PTPRN2: variants seen among roughly 807,000 people sequenced by gnomAD.
The protein encoded by PTPRN2 is receptor-type tyrosine-protein phosphatase N2.
Under a neutral mutation model 118.8 loss-of-function variants are expected in PTPRN2, and 74 were observed. That is an observed-to-expected ratio of 0.62 (90% CI 0.52 to 0.76). The LOEUF (loss-of-function observed/expected upper bound fraction) is 0.76. PTPRN2 is among the 30% of genes least tolerant of loss of function. PTPRN2 has a pLI of 0.00. For missense variants in PTPRN2, 1,481 were observed against 1,394.4 expected (o/e 1.06, Z -0.99); for synonymous variants, 641 against 608.0 (o/e 1.05, Z -0.80).
chr7:157,731,901 C>T (rs1190331637), intron 12 of PTPRN2, among the ~76,000 whole-genome samples: 2 of 58,122 alleles, frequency 3.4e-5, no homozygotes, highest in African/African-American at 8.9e-5. Flanking sequence ...CACAGTTACT[C>T]TTTCCCGTCC....
chr7:157,920,147 G>A lies in PTPRN2; in HGVS notation c.1724-21410C>T, dbSNP rs149518886. Among the ~76,000 whole-genome samples, 63 of 152,236 alleles carry A rather than the reference G, an allele frequency of 4.1e-4. 1 individual carries two copies. The South Asian group carries it at 1.0e-2, about 24-fold the overall frequency. On this transcript the variant is annotated intron_variant, in intron 11 of 22. Coordinates refer to ENST00000389418, the MANE Select transcript of PTPRN2 (RefSeq NM_002847.5). ...GAAGGCAGCCTCGTCATTAAGCAAC[G>A]CATCGCTGTCTAAGAATTTGGAACT...
intron 10 of PTPRN2, among the ~76,000 whole-genome samples, chr7:158,085,293 C>T (rs369669837): frequency 7.3e-5 from 9 of 123,488 alleles, no homozygotes; most frequent in South Asian, 3.0e-4. Context: ...TCCACACCCA[C>T]GACGCCCATC....
intron 12 of PTPRN2, among the ~76,000 whole-genome samples, chr7:157,766,631 T>C (rs147625235): frequency 5.4e-4 from 83 of 152,346 alleles, no homozygotes; most frequent in Non-Finnish European, 8.7e-4. Flanking sequence ...TCCTCACAAA[T>C]GCCTGTGCTG....
Position 157,909,389 on chromosome 7 carries a change from G to A in PTPRN2, c.1724-10652C>T, listed in dbSNP as rs77414591. On this transcript the variant is annotated intron_variant, in intron 11 of 22. Transcript: ENST00000389418. ...GACAGGGGCTGACTCTATACACTGGGGGGGGGAGGATGCTGGCCACTCAAC... is the reference window on the plus strand; with the variant it reads ...GACAGGGGCTGACTCTATACACTGGAGGGGGGAGGATGCTGGCCACTCAAC... Among the ~76,000 whole-genome samples the A allele has an allele frequency of 4.0e-3, 608 of 152,266 alleles. 3 individuals carry two copies. The highest frequency in any genetic ancestry group is 0.013 in the African/African-American group (555 of 41,538).
At chr7:157,675,152 T>C (rs111963869) in intron 13 of PTPRN2, among the ~76,000 whole-genome samples, 32 of 152,318 alleles carry the variant, frequency 2.1e-4, no homozygotes, top group African/African-American at 7.7e-4. Context: ...CTCCCTCAAG[T>C]GTCTCCTCCC....
In PTPRN2 at chr7:157,831,280, G is replaced by A. The variant is rs2151160836; in HGVS notation, c.1788+67393C>T. ...TGGTGCAGGCCTGTCCCAGCGACCT[G>A]TAGCCTCATCCAGCACTGCGGCCAC... On this transcript the variant is annotated intron_variant, in intron 12 of 22. Transcript: ENST00000389418. The surrounding 1 kb of genome is among the most constrained non-coding windows in gnomAD (Gnocchi z 4.8). Among the ~76,000 whole-genome samples, 1 of 152,296 alleles carries A rather than the reference G, an allele frequency of 6.6e-6. No homozygotes were observed. The highest frequency in any genetic ancestry group is 2.4e-5 in the African/African-American group (1 of 41,552).
intron 12 of PTPRN2, among the ~76,000 whole-genome samples, chr7:157,843,963 C>T (rs150625645): frequency 1.5e-3 from 228 of 152,290 alleles, no homozygotes; most frequent in African/African-American, 4.9e-3. Context: ...CTGCAGGCAC[C>T]GGGAGCTCTT....
chr7:157,539,456 T>C lies in PTPRN2; in HGVS notation c.*1258A>G, dbSNP rs221252. The C allele has an allele frequency of 0.96, 146,493 of 152,306 alleles. 70,537 individuals carry two copies. The highest frequency in any genetic ancestry group is 1 in the Middle Eastern group (291 of 292). The allele number at this position is 152,306 out of a possible 1,614,324, so 9.4% of individuals were successfully genotyped here. On this transcript the variant is annotated 3_prime_UTR_variant, in exon 23 of 23. Coordinates refer to ENST00000389418, the MANE Select transcript of PTPRN2 (RefSeq NM_002847.5). ...TCTGCAGCCCACACAGCTGCCTCTG[T>C]GCCGCCTTCCATGTGATCATCTTGG...
intron 13 of PTPRN2, among the ~76,000 whole-genome samples, chr7:157,680,367 A>T (rs1796862455): frequency 8.1e-6 from 1 of 123,024 alleles, no homozygotes; most frequent in Admixed American, 7.6e-5. Flanking sequence ...TTATGTTTGC[A>T]ATATTTTAAA....
At position 158,183,750 on chromosome 7, in the gene PTPRN2, T is replaced by C. The variant is rs1279972278; in HGVS notation, c.549+8577A>G. Among the ~76,000 whole-genome samples the C allele has an allele frequency of 3.3e-5, 5 of 152,374 alleles. No individual in the cohort carries two copies. In the East Asian group the frequency reaches 7.7e-4, roughly 24 times the overall value. On this transcript the variant is annotated intron_variant, in intron 5 of 22. Coordinates refer to ENST00000389418, the MANE Select transcript of PTPRN2 (RefSeq NM_002847.5). ...TGGAGGCAGTGTCTCCCCCTCACAC[T>C]GTGGGGCTTACAGTTCTTTGCTTGG... is the stretch of plus-strand genomic sequence containing the variant.
At chr7:158,478,341 G>T (rs1733121) in intron 2 of PTPRN2, among the ~76,000 whole-genome samples, 39,138 of 152,030 alleles carry the variant, frequency 0.26, 5,130 homozygotes, top group African/African-American at 0.29. Context: ...ACTGGAAGGG[G>T]CGTGAAAGCA....
intron 22 of PTPRN2, among the ~76,000 whole-genome samples, chr7:157,548,385 C>T (rs1055556978): frequency 6.6e-6 from 1 of 152,142 alleles, no homozygotes; most frequent in Non-Finnish European, 1.5e-5. Flanking sequence ...ACACCAACCC[C>T]AGCCTCAGGG....
chr7:157,970,904 C>A (rs1380058585), intron 11 of PTPRN2, among the ~76,000 whole-genome samples: 1 of 152,206 alleles, frequency 6.6e-6, no homozygotes, highest in Non-Finnish European at 1.5e-5. Flanking sequence ...CTTGTCCCTG[C>A]ACGCACGAGG....
chr7:158,557,314 C>T (rs886377669), intron 1 of PTPRN2, among the ~76,000 whole-genome samples: 1 of 146,094 alleles, frequency 6.8e-6, no homozygotes, highest in African/African-American at 2.5e-5. Flanking sequence ...GCAGGTCGCT[C>T]CCGCGCAGGG....
At chr7:157,658,987 G>A (rs972724073) in intron 13 of PTPRN2, among the ~76,000 whole-genome samples, 2 of 151,982 alleles carry the variant, frequency 1.3e-5, no homozygotes, top group African/African-American at 4.8e-5. Flanking sequence ...AACACTCCAT[G>A]TGTCCCTTCT....
chr7:158,270,945 C>CT (rs1798419614), intron 3 of PTPRN2, among the ~76,000 whole-genome samples: 1 of 60,440 alleles, frequency 1.7e-5, no homozygotes, highest in African/African-American at 8.1e-5. Context: ...TGGACCACCC[C>CT]CCCACCTGGA....
chr7:157,952,606 A>G (rs116533863), intron 11 of PTPRN2, among the ~76,000 whole-genome samples: 1,680 of 152,138 alleles, frequency 0.011, 43 homozygotes, highest in African/African-American at 0.038. Flanking sequence ...GGGAGCCATC[A>G]TCTCATCTCA....
intron 15 of PTPRN2, 81 bp from the exon 16 acceptor site, chr7:157,604,156 C>A: frequency 2.3e-6 from 3 of 1,315,622 alleles, no homozygotes; most frequent in Non-Finnish European, 2.2e-6. Context: ...CCAGGGCCCC[C>A]CACCCAGCAG....
At chr7:157,748,527 AGCTGTGGGGTGTCCG>A (rs1272010712) in intron 12 of PTPRN2, among the ~76,000 whole-genome samples, 24 of 145,012 alleles carry the variant, frequency 1.7e-4, no homozygotes, top group South Asian at 6.6e-4. Flanking sequence ...TGCGTCTCTG[AGCTGTGGGGTGTCCG>A]GGTGATTCTG....
Sources: allele counts gnomAD v4.1 joint callset (sites outside exome capture counted in the v4.1 genomes callset), GRCh38; gene constraint gnomAD v4.1.1; non-coding constraint Gnocchi (gnomAD v3.1); transcripts MANE v1.5; gene names NCBI Gene and HGNC (gene_info 2026-07-23, HGNC 2026-07-21).